Variants in MAGI2 observed in about 807,000 individuals in gnomAD.
The protein encoded by MAGI2 is membrane-associated guanylate kinase, WW and PDZ domain-containing protein 2.
Under a neutral mutation model 133.3 loss-of-function variants are expected in MAGI2, and 35 were observed. That is an observed-to-expected ratio of 0.26 (90% CI 0.20 to 0.35). The LOEUF is 0.35. MAGI2 is among the 10% of genes least tolerant of loss of function. The pLI is 1.00. For missense variants in MAGI2, 1,636 were observed against 1,863.4 expected (o/e 0.88, Z 2.25); for synonymous variants, 729 against 710.6 (o/e 1.03, Z -0.41).
intron 9 of MAGI2, among the ~76,000 whole-genome samples, chr7:78,272,784 A>G (rs1373275075): frequency 6.6e-6 from 1 of 151,762 alleles, no homozygotes; most frequent in Non-Finnish European, 1.5e-5. Context: ...TTTGCTTTCC[A>G]TTTGCTTGGT....
intron 1 of MAGI2, among the ~76,000 whole-genome samples, chr7:79,102,709 T>G (rs1818090279): frequency 6.6e-6 from 1 of 152,178 alleles, no homozygotes; most frequent in African/African-American, 2.4e-5. Context: ...GAATATTCAG[T>G]CAATTTAAAG....
intron 2 of MAGI2, among the ~76,000 whole-genome samples, chr7:78,837,345 T>A (rs1424405972): frequency 1.3e-5 from 2 of 152,194 alleles, no homozygotes; most frequent in Non-Finnish European, 2.9e-5. Context: ...GCACTCAATA[T>A]TTATGCTTGG....
intron 2 of MAGI2, among the ~76,000 whole-genome samples, chr7:78,839,383 AAAT>A (rs1311040288): frequency 6.6e-6 from 1 of 152,114 alleles, no homozygotes; most frequent in Non-Finnish European, 1.5e-5. Flanking sequence ...GCGATGCTAA[AAAT>A]AATAACCATG....
intron 2 of MAGI2, among the ~76,000 whole-genome samples, chr7:78,711,187 A>G (rs1349948672): frequency 2.0e-5 from 3 of 152,168 alleles, no homozygotes; most frequent in African/African-American, 7.2e-5. Flanking sequence ...TAGACTCAAC[A>G]AAGGAAACAT....
At position 78,343,979 on chromosome 7, in the gene MAGI2, G is replaced by A; in HGVS notation, c.1226-19C>T. On this transcript the variant is annotated intron_variant, in intron 8 of 21. Transcript: ENST00000354212. The stretch of plus-strand genomic sequence containing the variant: ...GGTTTTTCTACATTGGCCAATATAA[G>A]TTAAAAAAGAAAAAGGCATGTTCAA... 1.3e-6 allele frequency: 2 copies of A among 1,594,228 alleles called. No individual in the cohort carries two copies. Among genetic ancestry groups the A allele is most frequent in the African/African-American group, 2.7e-5 (2 of 73,376 alleles).
chr7:78,751,703 A>G (rs540667310), intron 2 of MAGI2, among the ~76,000 whole-genome samples: 1 of 152,356 alleles, frequency 6.6e-6, no homozygotes, highest in South Asian at 2.1e-4. Context: ...CCTGGAGATA[A>G]CAACTATCAA....
chr7:78,234,011 TA>T (rs1790245429), intron 10 of MAGI2, among the ~76,000 whole-genome samples: 1 of 152,196 alleles, frequency 6.6e-6, no homozygotes, highest in Non-Finnish European at 1.5e-5. Flanking sequence ...GTTTTCATTT[TA>T]TGTTCTTTAT....
At chr7:78,569,930 ATTTG>A (rs941796312) in intron 3 of MAGI2, among the ~76,000 whole-genome samples, 42 of 152,296 alleles carry the variant, frequency 2.8e-4, no homozygotes, top group Admixed American at 2.4e-3. Context: ...TTGCTCAGCA[ATTTG>A]TTTTTGATAT....
At chr7:78,663,202 C>A (rs568602582) in intron 2 of MAGI2, among the ~76,000 whole-genome samples, 57 of 109,228 alleles carry the variant, frequency 5.2e-4, no homozygotes, top group African/African-American at 1.9e-3. Context: ...TGTACCAACT[C>A]TTTTTTTTTT....
chr7:78,355,885 T>C (rs1792026415), intron 7 of MAGI2, among the ~76,000 whole-genome samples: 1 of 152,242 alleles, frequency 6.6e-6, no homozygotes, highest in Non-Finnish European at 1.5e-5. Context: ...AACTCAGTGA[T>C]CACGTGCATA....
intron 9 of MAGI2, among the ~76,000 whole-genome samples, chr7:78,287,194 G>C (rs1796229511): frequency 6.6e-6 from 1 of 152,126 alleles, no homozygotes; most frequent in Admixed American, 6.6e-5. Context: ...AGACAACGAG[G>C]TCCTGAACTA....
At chr7:79,383,617 A>G (rs1254280699) in intron 1 of MAGI2, among the ~76,000 whole-genome samples, 1 of 151,588 alleles carries the variant, frequency 6.6e-6, no homozygotes, top group Non-Finnish European at 1.5e-5. Flanking sequence ...TCAAAATTGT[A>G]TTTATTAATA....
chr7:78,138,111 C>A (rs958863957), intron 16 of MAGI2, among the ~76,000 whole-genome samples: 2 of 152,192 alleles, frequency 1.3e-5, no homozygotes, highest in Admixed American at 6.5e-5. Context: ...GATTTCATAG[C>A]CTTTGCTGTT....
intron 21 of MAGI2, among the ~76,000 whole-genome samples, chr7:78,031,403 G>T (rs537883947): frequency 6.6e-6 from 1 of 152,280 alleles, no homozygotes; most frequent in Non-Finnish European, 1.5e-5. Context: ...TGCTGATAAA[G>T]TATTTTTAAA....
intron 7 of MAGI2, among the ~76,000 whole-genome samples, chr7:78,358,080 G>A (rs1406932291): frequency 6.1e-5 from 9 of 146,526 alleles, no homozygotes; most frequent in East Asian, 4.1e-4. Context: ...TGGGCTGGGC[G>A]TGATCCTGGG....
chr7:78,192,351 C>T (rs1033694182), intron 12 of MAGI2, among the ~76,000 whole-genome samples: 3 of 151,758 alleles, frequency 2.0e-5, no homozygotes, highest in South Asian at 2.1e-4. Context: ...TCTTTTGTTT[C>T]GGTATGTACA....
At chr7:78,208,754 A>C (rs1009932551) in intron 10 of MAGI2, among the ~76,000 whole-genome samples, 1 of 151,680 alleles carries the variant, frequency 6.6e-6, no homozygotes, top group African/African-American at 2.4e-5. Flanking sequence ...GATGGATTAC[A>C]TGTCTGTTTG....
chr7:78,613,314 A>C (rs1806679153), intron 3 of MAGI2, among the ~76,000 whole-genome samples: 1 of 152,228 alleles, frequency 6.6e-6, no homozygotes, highest in Non-Finnish European at 1.5e-5. Context: ...TTTCCTCTGT[A>C]GTTGACAATG....
At chr7:78,892,929 A>G (rs960022873) in intron 2 of MAGI2, among the ~76,000 whole-genome samples, 24 of 152,232 alleles carry the variant, frequency 1.6e-4, no homozygotes, top group Admixed American at 1.6e-3. Flanking sequence ...AACTACCATC[A>G]GAGTGAACAG....
Sources: allele counts gnomAD v4.1 joint callset (sites outside exome capture counted in the v4.1 genomes callset), GRCh38; gene constraint gnomAD v4.1.1; transcripts MANE v1.5; gene names NCBI Gene and HGNC (gene_info 2026-07-23, HGNC 2026-07-21).